ADAMTS6: variants seen among roughly 807,000 people sequenced by gnomAD.
The protein encoded by ADAMTS6 is ADAM metallopeptidase with thrombospondin type 1 motif 6.
A neutral mutation model predicts 144.3 loss-of-function variants in ADAMTS6; 23 were observed. The ratio of observed to expected loss-of-function variants is 0.16; its 90% CI spans 0.11 to 0.23. The LOEUF (loss-of-function observed/expected upper bound fraction) is 0.23, where lower values mean the gene tolerates loss of function less well. Among genes scored for constraint, ADAMTS6 ranks in the 10% least tolerant of loss-of-function variants. ADAMTS6 has a pLI of 1.00. For synonymous variants in ADAMTS6, 444 were observed against 457.5 expected (o/e 0.97, Z 0.38); for missense variants, 999 against 1,379.6 (o/e 0.72, Z 4.37).
intron 14 of ADAMTS6, among the ~76,000 whole-genome samples, chr5:65,254,559 A>G (rs1340606192): frequency 6.6e-6 from 1 of 152,214 alleles, no homozygotes; most frequent in Non-Finnish European, 1.5e-5. Flanking sequence ...AAGAACAGGC[A>G]GAAACACATA....
At chr5:65,302,098 A>T (rs1319578641) in intron 9 of ADAMTS6, among the ~76,000 whole-genome samples, 1 of 86,764 alleles carries the variant, frequency 1.2e-5, no homozygotes, top group Non-Finnish European at 2.3e-5. Flanking sequence ...TCTCCAAAAA[A>T]AAAAAAAAAA....
At chr5:65,201,517 C>T (rs755215781) in intron 20 of ADAMTS6, among the ~76,000 whole-genome samples, 20 of 151,966 alleles carry the variant, frequency 1.3e-4, no homozygotes, top group East Asian at 3.9e-4. Context: ...AAGGATGGGT[C>T]GGGGGTGGTT....
intron 7 of ADAMTS6, among the ~76,000 whole-genome samples, chr5:65,420,200 T>C (rs1755905969): frequency 6.6e-6 from 1 of 152,078 alleles, no homozygotes; most frequent in Non-Finnish European, 1.5e-5. Context: ...ATGAGAACAG[T>C]ATGGGGGAAA....
At chr5:65,220,055 C>A (rs906486854) in intron 18 of ADAMTS6, among the ~76,000 whole-genome samples, 1 of 152,034 alleles carries the variant, frequency 6.6e-6, no homozygotes, top group Non-Finnish European at 1.5e-5. Flanking sequence ...GGAATACTAA[C>A]CCCAAAATAG....
intron 11 of ADAMTS6, among the ~76,000 whole-genome samples, chr5:65,280,039 A>T (rs550381095): frequency 6.6e-6 from 1 of 152,280 alleles, no homozygotes; most frequent in South Asian, 2.1e-4. Context: ...ATGTTGATTT[A>T]TTTGGTCAGC....
chr5:65,184,449 A>C (rs553314176), intron 22 of ADAMTS6, among the ~76,000 whole-genome samples: 3 of 152,360 alleles, frequency 2.0e-5, no homozygotes, highest in Admixed American at 2.0e-4. Context: ...CATCTTCCGT[A>C]AGTAATGCTA....
intron 22 of ADAMTS6, among the ~76,000 whole-genome samples, chr5:65,182,149 T>C (rs532140725): frequency 6.6e-6 from 1 of 152,128 alleles, no homozygotes; most frequent in African/African-American, 2.4e-5. Context: ...ATATGACTGA[T>C]AATAAGAAGG....
chr5:65,261,468 A>G (rs1761188848), intron 13 of ADAMTS6, among the ~76,000 whole-genome samples: 2 of 149,270 alleles, frequency 1.3e-5, no homozygotes, highest in Non-Finnish European at 3.0e-5. Flanking sequence ...AGGGTTTTTT[A>G]TACTTTGATT....
intron 3 of ADAMTS6, among the ~76,000 whole-genome samples, chr5:65,468,894 A>G (rs10035230): frequency 3.9e-4 from 60 of 152,246 alleles, no homozygotes; most frequent in African/African-American, 1.4e-3. Flanking sequence ...TTTCTCAAAT[A>G]CCATTAGATA....
Position 65,224,972 on chromosome 5 carries a change from T to A in ADAMTS6, c.2143A>T (p.Thr715Ser). The change falls in exon 17 of 25, where the codon ACA becomes TCA. Residue 715 changes from threonine to serine, a missense_variant. By Grantham distance (58) the Thr-to-Ser change is moderately conservative. Around this residue, in one of 3 missense-constraint regions of ADAMTS6, gnomAD observed 619 missense variants for 837.0 expected, o/e 0.74. Coordinates refer to ENST00000381055, the MANE Select transcript of ADAMTS6 (RefSeq NM_197941.4). ...AAGAACCCTTCAATGGCATCACATG[T>A]GCTTCCGTCCCCTCCACAGACTCGA... The part of the protein sequence containing the change: ...RCRVCGGDGS[T>S]CDAIEGFFND... 6.2e-7 allele frequency: 1 copy of A among 1,614,128 alleles called. No homozygotes were observed. Among genetic ancestry groups the A allele is most frequent in the Non-Finnish European group, 8.5e-7 (1 of 1,180,010 alleles).
intron 1 of ADAMTS6, among the ~76,000 whole-genome samples, chr5:65,478,699 A>T (rs1399112765): frequency 6.6e-6 from 1 of 152,224 alleles, no homozygotes. Context: ...TCAACTAGTT[A>T]TATTGTCTTT....
At chr5:65,206,243 T>C (rs1373277828) in intron 20 of ADAMTS6, among the ~76,000 whole-genome samples, 1 of 152,240 alleles carries the variant, frequency 6.6e-6, no homozygotes, top group Non-Finnish European at 1.5e-5. Flanking sequence ...AAATAACTTC[T>C]TTGTAATGAT....
chr5:65,194,576 T>C (rs1166409863), intron 21 of ADAMTS6, among the ~76,000 whole-genome samples: 3 of 152,208 alleles, frequency 2.0e-5, no homozygotes, highest in African/African-American at 4.8e-5. Flanking sequence ...AAGTCAAGCA[T>C]ATATAACCAT....
intron 9 of ADAMTS6, among the ~76,000 whole-genome samples, chr5:65,320,074 C>T (rs1745453585): frequency 6.6e-6 from 1 of 152,082 alleles, no homozygotes; most frequent in Non-Finnish European, 1.5e-5. Flanking sequence ...AACTCCCCAC[C>T]TCAGGAGATC....
chr5:65,155,805 C>T (rs376242433), intron 24 of ADAMTS6, among the ~76,000 whole-genome samples: 50 of 152,306 alleles, frequency 3.3e-4, no homozygotes, highest in African/African-American at 1.2e-3. Flanking sequence ...GCTGACAACA[C>T]TGATAAATCA....
At position 65,471,043 on chromosome 5, in the gene ADAMTS6, T is replaced by G. The variant is rs776123231; in HGVS notation, c.197A>C (p.His66Pro). The part of the protein sequence containing the change: ...FLSFTVKNDK[H>P]SRRRRSMDPI... The stretch of plus-strand genomic sequence containing the variant: ...GTCCATACTCCGTCTTCTCCTTGAG[T>G]GTTTATCATTTTTCACAGTAAAGCT... The change falls in exon 3 of 25, where the codon CAC becomes CCC. Residue 66 changes from histidine (H) to proline (P), a missense_variant. Coordinates refer to ENST00000381055, the MANE Select transcript of ADAMTS6 (RefSeq NM_197941.4). 6 of 1,611,786 alleles carry G rather than the reference T, an allele frequency of 3.7e-6. No individual in the cohort carries two copies. The highest frequency in any genetic ancestry group is 5.1e-6 in the Non-Finnish European group (6 of 1,179,292).
At chr5:65,371,859 G>C (rs1224315215) in intron 7 of ADAMTS6, among the ~76,000 whole-genome samples, 2 of 152,068 alleles carry the variant, frequency 1.3e-5, no homozygotes, top group Non-Finnish European at 2.9e-5. Flanking sequence ...AAAATGTTAA[G>C]GGCAGCCAGA....
chr5:65,189,321 C>A (rs529731740), intron 21 of ADAMTS6, among the ~76,000 whole-genome samples: 1 of 152,264 alleles, frequency 6.6e-6, no homozygotes, highest in East Asian at 1.9e-4. Flanking sequence ...TAAATCAGAT[C>A]AATGAGAATT....
At chr5:65,410,808 T>C (rs1048784441) in intron 7 of ADAMTS6, among the ~76,000 whole-genome samples, 20 of 152,162 alleles carry the variant, frequency 1.3e-4, no homozygotes, top group Admixed American at 1.0e-3. Context: ...CTTAATACAA[T>C]GTCCTCCGGG....
Sources: allele counts gnomAD v4.1 joint callset (sites outside exome capture counted in the v4.1 genomes callset), GRCh38; gene constraint gnomAD v4.1.1; regional missense constraint gnomAD v4.1.1; transcripts MANE v1.5; gene names NCBI Gene and HGNC (gene_info 2026-07-23, HGNC 2026-07-21).